URI1: variants seen among roughly 807,000 people sequenced by gnomAD.
URI1 encodes unconventional prefoldin RPB5 interactor 1.
Under a neutral mutation model 60.2 loss-of-function variants are expected in URI1, and 39 were observed. That is an observed-to-expected ratio of 0.65 (90% CI 0.50 to 0.85). URI1 has a LOEUF of 0.85. Ranked by LOEUF, URI1 falls within the 40% of genes least tolerant of loss-of-function variation. The pLI is 0.00. For synonymous variants in URI1, 251 were observed against 236.8 expected, an observed-to-expected ratio of 1.06 and a Z score of -0.55; for missense variants, 691 against 665.9, an observed-to-expected ratio of 1.04 and a Z score of -0.42.
At chr19:29,962,510 C>T (rs1418417671) in intron 1 of URI1, among the ~76,000 whole-genome samples, 1 of 150,496 alleles carries the variant, frequency 6.6e-6, no homozygotes, top group African/African-American at 2.4e-5. Flanking sequence ...CATGATTGCT[C>T]CCATGCATTT....
chr19:30,008,854 A>G (rs2055977785), intron 7 of URI1, 151 bp from the exon 8 acceptor site: 1 of 657,116 alleles, frequency 1.5e-6, no homozygotes, highest in East Asian at 2.8e-5. Flanking sequence ...AATTTATTTC[A>G]AAACATTTTT....
At chr19:29,960,487 C>T (rs1204233592) in intron 1 of URI1, among the ~76,000 whole-genome samples, 1 of 151,986 alleles carries the variant, frequency 6.6e-6, no homozygotes, top group African/African-American at 2.4e-5. Context: ...GTAAAAACTT[C>T]CTGGTCAGTT....
At chr19:29,977,677 G>A (rs2055542424) in intron 2 of URI1, among the ~76,000 whole-genome samples, 1 of 150,882 alleles carries the variant, frequency 6.6e-6, no homozygotes, top group African/African-American at 2.4e-5. Context: ...TAGGGATAAG[G>A]GGGAAGAATC....
rs563711945 is a variant in URI1, at chr19:29,998,040, A to G, written c.368-7321A>G. Among the ~76,000 whole-genome samples, 4 of 152,220 alleles carry G rather than the reference A, an allele frequency of 2.6e-5. No individual in the cohort carries two copies. In the South Asian group the frequency reaches 8.3e-4, roughly 32 times the overall value. On this transcript the variant is annotated intron_variant, in intron 4 of 10. Transcript: ENST00000392271. The stretch of plus-strand genomic sequence containing the variant: ...TCGGCCTCCTAAAGTGCTGGGAGCC[A>G]CTGTGCCCAGCCATATTTTTTAATT...
intron 1 of URI1, among the ~76,000 whole-genome samples, chr19:29,932,924 A>T (rs888158050): frequency 6.6e-6 from 1 of 152,180 alleles, no homozygotes; most frequent in Non-Finnish European, 1.5e-5. Flanking sequence ...AAGTGCTGGG[A>T]TTACAGGTGT....
chr19:29,970,165 G>A (rs1362604930), intron 1 of URI1, among the ~76,000 whole-genome samples: 4 of 136,666 alleles, frequency 2.9e-5, no homozygotes, highest in Admixed American at 7.5e-5. Context: ...TTGCTGGGAC[G>A]GGATGGTGAA....
chr19:29,933,940 C>CTTTTTTTTTTTTTTT lies in URI1; in HGVS notation c.63+10199_63+10200insTTTTTTTTTTTTTTT, dbSNP rs34942474. ...TCCTTCTTTCTTTTTCTTTTCTTCC[C>CTTTTTTTTTTTTTTT]TTTTTTTTTTTTTGAGATGAAGTCT... On this transcript the variant is annotated intron_variant, in intron 1 of 10. Coordinates refer to the URI1 transcript ENST00000360605. 4.6e-3 allele frequency among the ~76,000 whole-genome samples: 568 copies of CTTTTTTTTTTTTTTT among 124,618 alleles called. 49 individuals carry two copies. Among genetic ancestry groups the CTTTTTTTTTTTTTTT allele is most frequent in the African/African-American group, 0.018 (529 of 29,868 alleles). 81.8% of individuals were successfully genotyped at this position (124,618 alleles called of 152,430 possible).
chr19:29,982,724 A>G (rs369818598), intron 2 of URI1, among the ~76,000 whole-genome samples: 1 of 152,162 alleles, frequency 6.6e-6, no homozygotes, highest in African/African-American at 2.4e-5. Flanking sequence ...AAGTTATACT[A>G]TTTGTATCAA....
rs778311227 is a variant in URI1, at chr19:29,985,219, A to G, written c.153-4A>G. The stretch of plus-strand genomic sequence containing the variant: ...TGTGTGTATTTGGTGTTTTCTGTCA[A>G]CAGGAAGAAGGTAGATAATGACTAT... On this transcript the variant is annotated splice_polypyrimidine_tract_variant and splice_region_variant and intron_variant, in intron 2 of 10. Coordinates refer to ENST00000392271, the MANE Select transcript of URI1 (RefSeq NM_003796.3). 1 of 1,578,484 alleles carries G rather than the reference A, an allele frequency of 6.3e-7. No individual in the cohort carries two copies. Among genetic ancestry groups the G allele is most frequent in the Non-Finnish European group, 8.6e-7 (1 of 1,158,730 alleles).
At chr19:29,927,669 T>C (rs1208930747) in intron 1 of URI1, among the ~76,000 whole-genome samples, 1 of 142,028 alleles carries the variant, frequency 7.0e-6, no homozygotes, top group Non-Finnish European at 1.5e-5. Context: ...CTCCACCTCC[T>C]GGGTTCAACC....
intron 2 of URI1, among the ~76,000 whole-genome samples, chr19:29,971,666 C>G (rs1599687724): frequency 1.3e-5 from 2 of 149,672 alleles, no homozygotes; most frequent in Admixed American, 1.3e-4. Context: ...TTCTACTTTT[C>G]AGAGCTTGTT....
intron 1 of URI1, among the ~76,000 whole-genome samples, chr19:29,937,102 C>T (rs968677431): frequency 3.3e-5 from 5 of 152,154 alleles, no homozygotes; most frequent in African/African-American, 7.2e-5. Context: ...ATTTCAATTG[C>T]CTTATCTTCA....
chr19:30,002,969 C>A (rs1051707388), intron 4 of URI1, among the ~76,000 whole-genome samples: 6 of 151,808 alleles, frequency 4.0e-5, no homozygotes, highest in African/African-American at 1.2e-4. Context: ...TTTAAATGAT[C>A]CATTTTTAGT....
Position 29,942,426 on chromosome 19 carries a change from C to G in URI1, c.-122C>G. ...CAGCGGCGGCGGCGGGCGCGGCCTCCTGGGCGCGGGGCGCGCGGTGCCTGA... is the reference window on the plus strand; with the variant it reads ...CAGCGGCGGCGGCGGGCGCGGCCTCGTGGGCGCGGGGCGCGCGGTGCCTGA... On this transcript the variant is annotated 5_prime_UTR_variant, in exon 1 of 11. Coordinates refer to ENST00000392271, the MANE Select transcript of URI1 (RefSeq NM_003796.3). 1 of 983,948 alleles carries G rather than the reference C, an allele frequency of 1.0e-6. No individual in the cohort carries two copies. The highest frequency in any genetic ancestry group is 1.2e-6 in the Non-Finnish European group (1 of 829,718). 61.0% of individuals were successfully genotyped at this position (983,948 alleles called of 1,614,324 possible). A position where few individuals can be genotyped will look rare whatever the true frequency, so the allele number is the denominator to read the frequency against.
Position 30,012,323 on chromosome 19 carries a change from G to A in URI1, c.1217G>A (p.Arg406His), listed in dbSNP as rs140683632. 1.9e-6 allele frequency: 3 copies of A among 1,613,960 alleles called. No homozygotes were observed. The highest frequency in any genetic ancestry group is 2.5e-6 in the Non-Finnish European group (3 of 1,179,976). The change falls in exon 10 of 11, where the codon CGC becomes CAC. Residue 406 changes from arginine to histidine, a missense_variant. Transcript: ENST00000392271. The stretch of plus-strand genomic sequence containing the variant: ...GTTGTGAATGGAGAATATGTCCCTC[G>A]CAAATCCATCCTGAAGTCTCGAAGT... ...VDVVNGEYVP[R>H]KSILKSRSRE...
chr19:29,976,746 G>A (rs905116920), intron 2 of URI1, among the ~76,000 whole-genome samples: 2 of 152,128 alleles, frequency 1.3e-5, no homozygotes, highest in African/African-American at 2.4e-5. Context: ...ACTTACAATC[G>A]TAAATCGTAT....
At chr19:29,990,889 TAAAAA>T (rs1301940290) in intron 4 of URI1, among the ~76,000 whole-genome samples, 2 of 152,192 alleles carry the variant, frequency 1.3e-5, no homozygotes, top group African/African-American at 2.4e-5. Context: ...CTTAAATTGT[TAAAAA>T]ACAAATGAAT....
chr19:29,930,432 A>G (rs1009011730), intron 1 of URI1, among the ~76,000 whole-genome samples: 6 of 151,272 alleles, frequency 4.0e-5, no homozygotes, highest in Admixed American at 3.3e-4. Flanking sequence ...TCTTGAGTTA[A>G]TTTTTATTCA....
chr19:29,963,334 C>G (rs374260504), intron 1 of URI1, among the ~76,000 whole-genome samples: 7 of 152,132 alleles, frequency 4.6e-5, no homozygotes, highest in African/African-American at 1.7e-4. Context: ...TTGGTGTTTT[C>G]TTTTGACCTG....
Sources: gnomAD v4.1 joint callset for allele counts (sites outside exome capture counted in the v4.1 genomes callset) on GRCh38, gnomAD v4.1.1 for gene constraint, MANE v1.5 for transcripts, NCBI Gene and HGNC (gene_info 2026-07-23, HGNC 2026-07-21) for gene names.